Variants in NELL1 observed in about 807,000 individuals in gnomAD.
NELL1 encodes the protein protein kinase C-binding protein NELL1.
In NELL1, 76 loss-of-function variants were observed where a neutral mutation model predicts 107.4. That is an observed-to-expected ratio of 0.71 (90% CI 0.59 to 0.86). The LOEUF (loss-of-function observed/expected upper bound fraction) is 0.86, where lower values mean the gene tolerates loss of function less well. NELL1 is among the 40% of genes least tolerant of loss of function. NELL1 has a pLI of 0.00. For missense variants in NELL1, 1,024 were observed against 1,005.5 expected, an observed-to-expected ratio of 1.02 and a Z score of -0.25; for synonymous variants, 353 against 341.2, an observed-to-expected ratio of 1.03 and a Z score of -0.38.
At chr11:20,921,884 A>G (rs1351833437) in intron 7 of NELL1, among the ~76,000 whole-genome samples, 1 of 148,652 alleles carries the variant, frequency 6.7e-6, no homozygotes, top group Non-Finnish European at 1.5e-5. Context: ...AGTGAAAATT[A>G]TTTGACATTA....
At chr11:21,254,011 C>A (rs942449844) in intron 14 of NELL1, among the ~76,000 whole-genome samples, 1 of 152,010 alleles carries the variant, frequency 6.6e-6, no homozygotes, top group African/African-American at 2.4e-5. Context: ...TAAACAAAGT[C>A]AGAGGTTTGC....
intron 14 of NELL1, among the ~76,000 whole-genome samples, chr11:21,303,569 A>G (rs1195180655): frequency 1.3e-5 from 2 of 152,068 alleles, no homozygotes; most frequent in African/African-American, 4.8e-5. Context: ...GGGAATGTAA[A>G]TTAGTACAAC....
At chr11:21,234,058 C>T (rs66499409) in intron 14 of NELL1, among the ~76,000 whole-genome samples, 12,442 of 152,036 alleles carry the variant, frequency 0.082, 615 homozygotes, top group Non-Finnish European at 0.11. Context: ...TATTATCTCG[C>T]GTGAAAGAGG....
intron 4 of NELL1, among the ~76,000 whole-genome samples, chr11:20,875,543 G>A (rs1381782039): frequency 6.6e-6 from 1 of 152,116 alleles, no homozygotes; most frequent in African/African-American, 2.4e-5. Flanking sequence ...AACATCTCAT[G>A]TATCCCGTGG....
At chr11:21,015,103 C>T (rs150807270) in intron 12 of NELL1, among the ~76,000 whole-genome samples, 182 of 152,166 alleles carry the variant, frequency 1.2e-3, no homozygotes, top group African/African-American at 4.1e-3. Context: ...TCTTTTGACA[C>T]GTCTTCTTTC....
intron 1 of NELL1, among the ~76,000 whole-genome samples, 163 bp from the exon 2 acceptor site, chr11:20,677,769 T>G (rs34330747): frequency 0.098 from 14,944 of 152,008 alleles, 959 homozygotes; most frequent in South Asian, 0.14. Flanking sequence ...ATTAGCGGGG[T>G]AAGGGAGCAA....
At chr11:20,871,623 T>A (rs1449200241) in intron 4 of NELL1, among the ~76,000 whole-genome samples, 5 of 114,238 alleles carry the variant, frequency 4.4e-5, no homozygotes, top group Admixed American at 4.0e-4. Context: ...TTATTTGTAC[T>A]ACTTTCTCAT....
chr11:21,156,256 T>C (rs1295272167), intron 13 of NELL1, among the ~76,000 whole-genome samples: 1 of 152,072 alleles, frequency 6.6e-6, no homozygotes, highest in African/African-American at 2.4e-5. Flanking sequence ...GTTTTGAAGA[T>C]CCAGATGGAA....
At chr11:21,278,064 A>T (rs1224268292) in intron 14 of NELL1, among the ~76,000 whole-genome samples, 1 of 151,992 alleles carries the variant, frequency 6.6e-6, no homozygotes, top group Admixed American at 6.6e-5. Flanking sequence ...AAAAAGAAAG[A>T]AAAAGCATTT....
chr11:21,550,099 A>T (rs1438857539), intron 16 of NELL1, among the ~76,000 whole-genome samples: 1 of 151,816 alleles, frequency 6.6e-6, no homozygotes, highest in Non-Finnish European at 1.5e-5. Flanking sequence ...TGTTGGCTGA[A>T]ATAAACAGTA....
At chr11:21,543,055 C>A (rs981462580) in intron 16 of NELL1, among the ~76,000 whole-genome samples, 4 of 151,842 alleles carry the variant, frequency 2.6e-5, no homozygotes, top group African/African-American at 9.7e-5. Context: ...CCTTAGTGGA[C>A]CAGGGTATTT....
intron 14 of NELL1, among the ~76,000 whole-genome samples, chr11:21,324,708 G>A (rs1012362549): frequency 6.6e-5 from 10 of 152,098 alleles, no homozygotes; most frequent in African/African-American, 2.4e-4. Context: ...GTACTTCCTT[G>A]CCAAGGTGCT....
At chr11:21,348,357 C>T (rs1030043578) in intron 14 of NELL1, among the ~76,000 whole-genome samples, 2 of 152,064 alleles carry the variant, frequency 1.3e-5, no homozygotes, top group Admixed American at 1.3e-4. Context: ...CTTATGTGTA[C>T]CGGACCCTGT....
At chr11:20,928,744 G>A (rs930004352) in intron 9 of NELL1, among the ~76,000 whole-genome samples, 37 of 151,984 alleles carry the variant, frequency 2.4e-4, no homozygotes, top group African/African-American at 8.2e-4. Context: ...AGGAACGTGT[G>A]TTCACAGGGA....
intron 13 of NELL1, among the ~76,000 whole-genome samples, chr11:21,227,984 G>A (rs559131807): frequency 1.3e-5 from 2 of 152,176 alleles, no homozygotes; most frequent in East Asian, 3.9e-4. Context: ...TTGGTACATT[G>A]GTTGAATAAT....
intron 12 of NELL1, among the ~76,000 whole-genome samples, chr11:20,981,949 T>G (rs1204101580): frequency 2.1e-5 from 3 of 141,558 alleles, no homozygotes; most frequent in African/African-American, 8.2e-5. Context: ...ACCAGGGCTC[T>G]CTCTCTTTCT....
At chr11:20,811,697 T>C (rs571179163) in intron 3 of NELL1, among the ~76,000 whole-genome samples, 72 of 152,246 alleles carry the variant, frequency 4.7e-4, no homozygotes, top group Non-Finnish European at 8.7e-4. Context: ...TTGGTAGTTA[T>C]TGTAAATTGG....
chr11:21,466,867 C>T (rs1854045398), intron 15 of NELL1, among the ~76,000 whole-genome samples: 2 of 151,342 alleles, frequency 1.3e-5, no homozygotes, highest in African/African-American at 2.4e-5. Context: ...GTCCTAGATG[C>T]CTAGATGTTG....
At position 21,573,224 on chromosome 11, in the gene NELL1, T is replaced by A. The variant is rs1320879974; in HGVS notation, c.2197T>A (p.Leu733Met). 1.9e-6 allele frequency: 3 copies of A among 1,612,146 alleles called. No homozygotes were observed. Among genetic ancestry groups the A allele is most frequent in the Non-Finnish European group, 2.5e-6 (3 of 1,178,886 alleles). ...VDCWPLTCPN[L>M]SCEYTAILEG... ...TTGCTGGCCACTCACTTGCCCCAAC[T>A]TGAGCTGTGAGTATACAGCTATCTT... Residue 733 changes from leucine (L) to methionine (M), a missense_variant, in exon 19 of 20, where the codon TTG becomes ATG. Coordinates refer to ENST00000357134, the MANE Select transcript of NELL1 (RefSeq NM_006157.5).
Sources: allele counts gnomAD v4.1 joint callset (sites outside exome capture counted in the v4.1 genomes callset), GRCh38; gene constraint gnomAD v4.1.1; transcripts MANE v1.5; gene names NCBI Gene and HGNC (gene_info 2026-07-23, HGNC 2026-07-21).